ASTN2: variants seen among roughly 807,000 people sequenced by gnomAD.
ASTN2 encodes astrotactin 2, also known as astrotactin-2.
Under a neutral mutation model 139.8 loss-of-function variants are expected in ASTN2, and 54 were observed. The ratio of observed to expected loss-of-function variants is 0.39; its 90% CI spans 0.31 to 0.48. The LOEUF (loss-of-function observed/expected upper bound fraction) is 0.48, where lower values mean the gene tolerates loss of function less well. Among genes scored for constraint, ASTN2 ranks in the 20% least tolerant of loss-of-function variants. The probability of loss-of-function intolerance (pLI) is 0.95; values close to 1 mark genes in which losing one functional copy is unlikely to be tolerated. For synonymous variants in ASTN2, 756 were observed against 719.5 expected, an observed-to-expected ratio of 1.05 and a Z score of -0.81; for missense variants, 1,565 against 1,725.1, an observed-to-expected ratio of 0.91 and a Z score of 1.64.
intron 1 of ASTN2, among the ~76,000 whole-genome samples, chr9:117,311,104 G>A (rs1827961466): frequency 6.6e-6 from 1 of 152,078 alleles, no homozygotes; most frequent in Non-Finnish European, 1.5e-5. Flanking sequence ...CCTCAGCCTA[G>A]GGTCTGCTTC....
At chr9:116,662,554 C>A (rs914879902) in intron 16 of ASTN2, among the ~76,000 whole-genome samples, 2 of 151,936 alleles carry the variant, frequency 1.3e-5, no homozygotes, top group African/African-American at 2.4e-5. Flanking sequence ...GCCTGGGCAA[C>A]GAAAGTGAGA....
At chr9:116,966,403 C>T (rs1564363507) in intron 10 of ASTN2, among the ~76,000 whole-genome samples, 1 of 152,102 alleles carries the variant, frequency 6.6e-6, no homozygotes, top group African/African-American at 2.4e-5. Context: ...TGTCTTGAGC[C>T]CTCTATCTGA....
intron 12 of ASTN2, among the ~76,000 whole-genome samples, chr9:116,813,223 G>T (rs1027141018): frequency 1.3e-5 from 2 of 152,074 alleles, no homozygotes; most frequent in Non-Finnish European, 2.9e-5. Flanking sequence ...CATTTTAGCT[G>T]AAGGCAATGG....
chr9:116,745,953 C>T (rs1030336504), intron 13 of ASTN2, among the ~76,000 whole-genome samples: 1 of 152,118 alleles, frequency 6.6e-6, no homozygotes, highest in Non-Finnish European at 1.5e-5. Context: ...TAGGTGTCAG[C>T]AGAGATGTTT....
In ASTN2 at chr9:117,414,639, G is replaced by T. The variant is rs1022229149; in HGVS notation, c.300C>A (p.Ala100=). Reference sequence around the variant, plus strand: ...CAGGAGAGCCCGGGGACGCGGCGGCGGCGGCGGCTCCGGCCCCGGTCCCAG... The same window carrying T: ...CAGGAGAGCCCGGGGACGCGGCGGCTGCGGCGGCTCCGGCCCCGGTCCCAG... ...AGAGTGAGAA[A]AAASPGSPGS... The change falls in exon 1 of 23, where the codon GCC becomes GCA. Residue 100 remains alanine (A), a synonymous_variant. Coordinates refer to ENST00000313400, the MANE Select transcript of ASTN2 (RefSeq NM_001365068.1). The surrounding 1 kb of genome is among the most constrained non-coding windows in gnomAD (Gnocchi z 4.2). 7 of 1,398,660 alleles carry T rather than the reference G, an allele frequency of 5.0e-6. No individual in the cohort carries two copies. The African/African-American group carries it at 9.0e-5, about 18-fold the overall frequency. The allele number at this position is 1,398,660 out of a possible 1,614,324, so 86.6% of individuals were successfully genotyped here.
chr9:117,092,882 G>T (rs1828740427), intron 5 of ASTN2, among the ~76,000 whole-genome samples: 1 of 152,132 alleles, frequency 6.6e-6, no homozygotes, highest in Non-Finnish European at 1.5e-5. Context: ...AGGCCTGGGG[G>T]TGTAGGGAAG....
At chr9:117,020,946 G>A (rs945210264) in intron 6 of ASTN2, among the ~76,000 whole-genome samples, 18 of 152,052 alleles carry the variant, frequency 1.2e-4, no homozygotes, top group Admixed American at 6.5e-4. Context: ...CTCCAGTGGC[G>A]CTTCAGGTTG....
chr9:117,322,297 T>C (rs1248159280), intron 1 of ASTN2, among the ~76,000 whole-genome samples: 1 of 152,196 alleles, frequency 6.6e-6, no homozygotes, highest in East Asian at 1.9e-4. Flanking sequence ...CATTTTCAAA[T>C]TCTAGTTCTT....
At chr9:116,487,593 C>T (rs1483421665) in intron 19 of ASTN2, 93 bp from the exon 20 acceptor site, 9 of 1,208,650 alleles carry the variant, frequency 7.4e-6, no homozygotes, top group Non-Finnish European at 1.0e-5. Flanking sequence ...TGTCTTGATA[C>T]CATTATCAAG....
intron 4 of ASTN2, among the ~76,000 whole-genome samples, chr9:117,139,298 A>G (rs1830019574): frequency 6.6e-6 from 1 of 152,208 alleles, no homozygotes; most frequent in East Asian, 1.9e-4. Flanking sequence ...AGGTCTTCAC[A>G]ATAATCTTCT....
intron 1 of ASTN2, among the ~76,000 whole-genome samples, chr9:117,366,137 G>A (rs1451982562): frequency 2.6e-5 from 4 of 152,138 alleles, no homozygotes; most frequent in Non-Finnish European, 5.9e-5. Flanking sequence ...CTCACTGTGT[G>A]TTTATTGAAT....
At chr9:116,625,985 T>C (rs995677863) in intron 17 of ASTN2, among the ~76,000 whole-genome samples, 1 of 151,830 alleles carries the variant, frequency 6.6e-6, no homozygotes, top group African/African-American at 2.4e-5. Flanking sequence ...AAATTTGTGT[T>C]TTTTGTTTTT....
intron 5 of ASTN2, among the ~76,000 whole-genome samples, chr9:117,052,406 C>A (rs1272094578): frequency 7.4e-6 from 1 of 134,322 alleles, no homozygotes. Flanking sequence ...CACTGCACTC[C>A]AGCCTGGGCG....
At chr9:116,789,687 G>T (rs1326943348) in intron 13 of ASTN2, among the ~76,000 whole-genome samples, 1 of 152,110 alleles carries the variant, frequency 6.6e-6, no homozygotes, top group Non-Finnish European at 1.5e-5. Context: ...ACATGTGTGG[G>T]CTTATTAATG....
intron 1 of ASTN2, among the ~76,000 whole-genome samples, chr9:117,354,290 A>C (rs112738991): frequency 6.6e-6 from 1 of 152,078 alleles, no homozygotes; most frequent in Non-Finnish European, 1.5e-5. Flanking sequence ...GCCCCTCATC[A>C]TCTGGCCTCT....
At position 117,095,418 on chromosome 9, in the gene ASTN2, G is replaced by A. The variant is rs117468433; in HGVS notation, c.1276+626C>T. On this transcript the variant is annotated intron_variant, in intron 5 of 22. Transcript: ENST00000313400. ...GCATTTGGCCATCCCCCTACATTGA[G>A]TGCCATTGTGAGAAATAATTATCCA... Among the ~76,000 whole-genome samples the A allele has an allele frequency of 1.2e-3, 177 of 152,322 alleles. 1 individual carries two copies. In the East Asian group the frequency reaches 0.018, roughly 15 times the overall value.
At chr9:117,122,722 G>T (rs574300555) in intron 4 of ASTN2, among the ~76,000 whole-genome samples, 2 of 152,160 alleles carry the variant, frequency 1.3e-5, no homozygotes, top group Non-Finnish European at 2.9e-5. Flanking sequence ...AGTCAACAGG[G>T]TGGCTACGGC....
At chr9:116,859,818 T>G (rs988886782) in intron 11 of ASTN2, among the ~76,000 whole-genome samples, 6 of 152,188 alleles carry the variant, frequency 3.9e-5, no homozygotes, top group Admixed American at 3.9e-4. Context: ...TGAGTGATCC[T>G]CCCCACTGTG....
At chr9:117,126,050 T>TA (rs1162202878) in intron 4 of ASTN2, among the ~76,000 whole-genome samples, 1 of 152,234 alleles carries the variant, frequency 6.6e-6, no homozygotes, top group Non-Finnish European at 1.5e-5. Context: ...TCTTTTAAGT[T>TA]AAATTGCACA....
Sources: allele counts gnomAD v4.1 joint callset (sites outside exome capture counted in the v4.1 genomes callset), GRCh38; gene constraint gnomAD v4.1.1; non-coding constraint Gnocchi (gnomAD v3.1); transcripts MANE v1.5; gene names NCBI Gene and HGNC (gene_info 2026-07-23, HGNC 2026-07-21).